MAPKAP1: variants seen among roughly 807,000 people sequenced by gnomAD.
MAPKAP1 encodes target of rapamycin complex 2 subunit MAPKAP1.
A neutral mutation model predicts 65.7 loss-of-function variants in MAPKAP1; 20 were observed. That is an observed-to-expected ratio of 0.30 (90% CI 0.21 to 0.44). The LOEUF (loss-of-function observed/expected upper bound fraction) is 0.44. MAPKAP1 is among the 20% of genes least tolerant of loss of function. The pLI, the probability that MAPKAP1 is intolerant of heterozygous loss-of-function variation, is 1.00. For missense variants in MAPKAP1, 423 were observed against 648.0 expected, an observed-to-expected ratio of 0.65 and a Z score of 3.77; for synonymous variants, 222 against 244.3, an observed-to-expected ratio of 0.91 and a Z score of 0.85.
chr9:125,692,614 T>C (rs1052407977), intron 1 of MAPKAP1, among the ~76,000 whole-genome samples: 3 of 152,192 alleles, frequency 2.0e-5, no homozygotes, highest in African/African-American at 4.8e-5. Context: ...AGTCATTAAA[T>C]TGTACATTTT....
intron 5 of MAPKAP1, among the ~76,000 whole-genome samples, chr9:125,564,851 G>T (rs1831000891): frequency 6.6e-6 from 1 of 152,146 alleles, no homozygotes; most frequent in Admixed American, 6.5e-5. Context: ...AGACCTAAAA[G>T]TCCTGTTTCT....
chr9:125,541,401 A>C (rs1350046531), intron 7 of MAPKAP1, among the ~76,000 whole-genome samples: 1 of 152,186 alleles, frequency 6.6e-6, no homozygotes, highest in Non-Finnish European at 1.5e-5. Context: ...AAAAAGTTTC[A>C]CCTTCTCCTT....
At chr9:125,687,277 C>A (rs1279574311) in intron 1 of MAPKAP1, among the ~76,000 whole-genome samples, 1 of 152,076 alleles carries the variant, frequency 6.6e-6, no homozygotes, top group African/African-American at 2.4e-5. Context: ...TAAAAAGGCA[C>A]AGTGTTTTGC....
At chr9:125,694,204 C>T (rs1267793050) in intron 1 of MAPKAP1, among the ~76,000 whole-genome samples, 3 of 151,526 alleles carry the variant, frequency 2.0e-5, no homozygotes, top group Non-Finnish European at 2.9e-5. Context: ...GGTGCACACC[C>T]GTAATCTCAG....
At chr9:125,675,130 A>G (rs375205223) in intron 1 of MAPKAP1, among the ~76,000 whole-genome samples, 8 of 152,196 alleles carry the variant, frequency 5.3e-5, no homozygotes, top group East Asian at 3.8e-4. Flanking sequence ...TTCTACAGCA[A>G]TCACAATAAG....
chr9:125,458,162 G>A (rs528259405), intron 10 of MAPKAP1, among the ~76,000 whole-genome samples: 7 of 150,946 alleles, frequency 4.6e-5, no homozygotes, highest in African/African-American at 7.3e-5. Context: ...CATCACTTAC[G>A]ATAGAAAGGC....
intron 2 of MAPKAP1, among the ~76,000 whole-genome samples, chr9:125,671,733 T>C (rs977959952): frequency 7.2e-5 from 11 of 151,848 alleles, no homozygotes; most frequent in African/African-American, 2.2e-4. Context: ...GCCAGAAAAA[T>C]CAAAAGGTGA....
At chr9:125,563,397 C>T (rs2131514025) in intron 5 of MAPKAP1, among the ~76,000 whole-genome samples, 1 of 152,280 alleles carries the variant, frequency 6.6e-6, no homozygotes, top group South Asian at 2.1e-4. Context: ...TCTCTTTGAG[C>T]TCCATTTTCT....
intron 1 of MAPKAP1, among the ~76,000 whole-genome samples, chr9:125,677,423 C>A (rs13292458): frequency 1.3e-5 from 2 of 151,786 alleles, no homozygotes; most frequent in Non-Finnish European, 2.9e-5. Context: ...AGGCCCGGTA[C>A]AGTCACTTAT....
At chr9:125,663,066 AGT>A (rs1491171465) in intron 3 of MAPKAP1, among the ~76,000 whole-genome samples, 1 of 152,160 alleles carries the variant, frequency 6.6e-6, no homozygotes, top group Non-Finnish European at 1.5e-5. Flanking sequence ...TACAATAAAA[AGT>A]TTTTTTTTAA....
Position 125,573,737 on chromosome 9 carries a change from C to T in MAPKAP1, c.671+11818G>A, listed in dbSNP as rs116799320. ...TTTGTTCCCTGACCACAACATGCTT[C>T]CTCCAGCAATAAGGTGGCTGCCACA... On this transcript the variant is annotated intron_variant, in intron 5 of 11. Transcript: ENST00000265960. 2.7e-3 allele frequency among the ~76,000 whole-genome samples: 410 copies of T among 152,292 alleles called. 3 individuals are homozygous for T. The highest frequency in any genetic ancestry group is 9.2e-3 in the African/African-American group (382 of 41,560).
At chr9:125,443,699 C>A (rs1423431495) in intron 11 of MAPKAP1, among the ~76,000 whole-genome samples, 1 of 138,136 alleles carries the variant, frequency 7.2e-6, no homozygotes, top group Non-Finnish European at 1.6e-5. Context: ...CCCGCCAGCT[C>A]CCCCAGCCCC....
At chr9:125,685,109 T>C (rs1452839198) in intron 1 of MAPKAP1, among the ~76,000 whole-genome samples, 1 of 152,248 alleles carries the variant, frequency 6.6e-6, no homozygotes, top group Non-Finnish European at 1.5e-5. Flanking sequence ...GAATGCCTAC[T>C]ATGTGCCAGG....
At chr9:125,458,567 A>T (rs1240472689) in intron 10 of MAPKAP1, among the ~76,000 whole-genome samples, 3 of 151,990 alleles carry the variant, frequency 2.0e-5, no homozygotes, top group African/African-American at 7.3e-5. Context: ...CCAAGGCAGA[A>T]GAATCTTTCT....
At chr9:125,554,099 A>C (rs1302754009) in intron 6 of MAPKAP1, among the ~76,000 whole-genome samples, 1 of 152,216 alleles carries the variant, frequency 6.6e-6, no homozygotes, top group Non-Finnish European at 1.5e-5. Context: ...GTGTTCCAGC[A>C]GCTAGAGTTA....
intron 6 of MAPKAP1, among the ~76,000 whole-genome samples, chr9:125,552,431 TA>T (rs1830610579): frequency 6.6e-6 from 1 of 152,188 alleles, no homozygotes; most frequent in Non-Finnish European, 1.5e-5. Flanking sequence ...AGTTCCCCTT[TA>T]AAAAATGTAA....
chr9:125,484,184 C>T (rs1854413609), intron 9 of MAPKAP1, among the ~76,000 whole-genome samples: 1 of 152,196 alleles, frequency 6.6e-6, no homozygotes, highest in African/African-American at 2.4e-5. Context: ...AATTATGGAA[C>T]TTCACCGAAG....
Position 125,484,264 on chromosome 9 carries a change from GA to G in MAPKAP1, c.1207+178del, listed in dbSNP as rs1212383281. Among the ~76,000 whole-genome samples the G allele has an allele frequency of 5.9e-5, 9 of 152,282 alleles. No homozygotes were observed. In the East Asian group the frequency reaches 1.7e-3, roughly 29 times the overall value. ...TTCTGCTTCATAAAAAAGAAGACAA[GA>G]CAGAGCACTCAAGTGGGAAAAAGGA... On this transcript the variant is annotated intron_variant, in intron 9 of 11. Transcript: ENST00000265960.
chr9:125,670,599 T>C (rs966097191), intron 2 of MAPKAP1, among the ~76,000 whole-genome samples: 12 of 152,206 alleles, frequency 7.9e-5, no homozygotes, highest in African/African-American at 2.9e-4. Flanking sequence ...TCTCAATTAA[T>C]TATTAGCATC....
Sources: gnomAD v4.1 joint callset for allele counts (sites outside exome capture counted in the v4.1 genomes callset) on GRCh38, gnomAD v4.1.1 for gene constraint, MANE v1.5 for transcripts, NCBI Gene and HGNC (gene_info 2026-07-23, HGNC 2026-07-21) for gene names.